The following TTLL5 variants were observed in gnomAD, a reference collection of about 807,000 sequenced individuals.
TTLL5 encodes tubulin tyrosine ligase like 5.
Under a neutral mutation model 168.4 loss-of-function variants are expected in TTLL5, and 132 were observed. The observed-to-expected ratio is 0.78, with a 90% CI of 0.68 to 0.91. The LOEUF is 0.91. TTLL5 is among the 40% of genes least tolerant of loss of function. The pLI, the probability that TTLL5 is intolerant of heterozygous loss-of-function variation, is 0.00. For missense variants in TTLL5, 1,545 were observed against 1,581.5 expected (o/e 0.98, Z 0.39); for synonymous variants, 546 against 558.6 (o/e 0.98, Z 0.32).
intron 28 of TTLL5, chr14:75,838,246 CAGATAGCTAA>C (rs940137132): frequency 6.6e-6 from 1 of 152,010 alleles, no homozygotes; most frequent in African/African-American, 2.4e-5. Context: ...AGTAAGAGGT[CAGATAGCTAA>C]AGATCTTGGA....
intron 23 of TTLL5, among the ~76,000 whole-genome samples, chr14:75,778,522 A>C (rs550604147): frequency 9.2e-5 from 14 of 152,326 alleles, no homozygotes; most frequent in African/African-American, 3.1e-4. Context: ...TGAGAGACTT[A>C]TCTTGTGGCA....
chr14:75,885,220 G>T (rs2032046820), intron 30 of TTLL5, among the ~76,000 whole-genome samples: 2 of 150,924 alleles, frequency 1.3e-5, no homozygotes, highest in Non-Finnish European at 2.9e-5. Context: ...GCCAGGTGCG[G>T]TGGCTCACGC....
At chr14:75,842,429 C>T (rs1038055295) in intron 28 of TTLL5, among the ~76,000 whole-genome samples, 2 of 152,070 alleles carry the variant, frequency 1.3e-5, no homozygotes, top group African/African-American at 2.4e-5. Context: ...AAGGGTTCTC[C>T]GTGGGCTCTT....
chr14:75,751,196 C>G (rs1308851042), intron 17 of TTLL5, among the ~76,000 whole-genome samples: 1 of 152,198 alleles, frequency 6.6e-6, no homozygotes, highest in Non-Finnish European at 1.5e-5. Context: ...GTGGCCATCA[C>G]TTTTGCAATC....
intron 30 of TTLL5, among the ~76,000 whole-genome samples, chr14:75,894,364 CA>C (rs1430412148): frequency 2.0e-5 from 3 of 152,028 alleles, no homozygotes; most frequent in Non-Finnish European, 4.4e-5. Flanking sequence ...CCAGCCTGGC[CA>C]ACATGGTGAA....
At chr14:75,870,619 A>G in intron 29 of TTLL5, among the ~76,000 whole-genome samples, 1 of 152,180 alleles carries the variant, frequency 6.6e-6, no homozygotes, top group Admixed American at 6.5e-5. Flanking sequence ...TATTAATAAT[A>G]CAGGAATGAT....
intron 29 of TTLL5, among the ~76,000 whole-genome samples, chr14:75,875,473 C>T (rs527264844): frequency 1.4e-3 from 212 of 150,528 alleles, no homozygotes; most frequent in Non-Finnish European, 2.0e-3. Flanking sequence ...TGCTTGGAGT[C>T]GGAGGTTGCA....
intron 9 of TTLL5, chr14:75,709,077 A>T (rs1886860620): frequency 6.0e-6 from 4 of 668,070 alleles, no homozygotes; most frequent in Non-Finnish European, 1.1e-5. Flanking sequence ...CTCAGGTTGG[A>T]CAAGCTTGTT....
chr14:75,681,346 T>G (rs1032783390), intron 3 of TTLL5, among the ~76,000 whole-genome samples, 199 bp from the exon 4 acceptor site: 23 of 152,314 alleles, frequency 1.5e-4, no homozygotes, highest in African/African-American at 5.1e-4. Flanking sequence ...AAGGTGTAAT[T>G]TTTCCCCCAT....
chr14:75,718,736 A>G (rs1176355555), intron 10 of TTLL5, among the ~76,000 whole-genome samples: 1 of 152,204 alleles, frequency 6.6e-6, no homozygotes, highest in Non-Finnish European at 1.5e-5. Flanking sequence ...AGTGGAAGGG[A>G]GTACTAGCCC....
chr14:75,864,657 A>G (rs904733099), intron 29 of TTLL5, among the ~76,000 whole-genome samples: 1 of 152,204 alleles, frequency 6.6e-6, no homozygotes, highest in Non-Finnish European at 1.5e-5. Context: ...GTGACTCAGG[A>G]TCATCATTAG....
intron 27 of TTLL5, among the ~76,000 whole-genome samples, chr14:75,808,585 C>G (rs1893790293): frequency 6.6e-6 from 1 of 152,278 alleles, no homozygotes; most frequent in East Asian, 1.9e-4. Context: ...TGGTGCAGAT[C>G]TGGCACTTTT....
At chr14:75,679,636 A>G (rs146728859) in intron 3 of TTLL5, among the ~76,000 whole-genome samples, 12 of 152,348 alleles carry the variant, frequency 7.9e-5, no homozygotes, top group African/African-American at 2.4e-4. Context: ...TTGCATTCAA[A>G]TTGTCTTAAA....
intron 31 of TTLL5, among the ~76,000 whole-genome samples, chr14:75,922,258 C>T (rs2033853931): frequency 6.6e-6 from 1 of 152,138 alleles, no homozygotes; most frequent in Non-Finnish European, 1.5e-5. Context: ...GCCAGAACTT[C>T]CAACACTATG....
intron 31 of TTLL5, among the ~76,000 whole-genome samples, chr14:75,922,697 T>G (rs971230447): frequency 6.6e-6 from 1 of 152,210 alleles, no homozygotes; most frequent in Non-Finnish European, 1.5e-5. Flanking sequence ...TCTCTTTTTT[T>G]GTTGTGTCTC....
chr14:75,948,080 A>G (rs2034834237), intron 31 of TTLL5, among the ~76,000 whole-genome samples: 2 of 152,224 alleles, frequency 1.3e-5, no homozygotes, highest in Admixed American at 6.5e-5. Flanking sequence ...ACTACGTAGT[A>G]GGCCTTAAAT....
At chr14:75,851,758 C>A (rs1469970125) in intron 28 of TTLL5, among the ~76,000 whole-genome samples, 1 of 152,076 alleles carries the variant, frequency 6.6e-6, no homozygotes, top group African/African-American at 2.4e-5. Context: ...TTTTTGGATC[C>A]AATAGTTTGG....
At chr14:75,877,120 A>G (rs1358387418) in intron 29 of TTLL5, among the ~76,000 whole-genome samples, 1 of 152,174 alleles carries the variant, frequency 6.6e-6, no homozygotes, top group Admixed American at 6.5e-5. Flanking sequence ...AGAGACATTA[A>G]CCTACTCAAA....
chr14:75,801,173 A>C (rs1393571375), intron 27 of TTLL5, among the ~76,000 whole-genome samples: 2 of 152,134 alleles, frequency 1.3e-5, no homozygotes, highest in African/African-American at 4.8e-5. Flanking sequence ...GCCCAAGCTC[A>C]GAGACTCTCC....
Sources: gnomAD v4.1 joint callset for allele counts (sites outside exome capture counted in the v4.1 genomes callset) on GRCh38, gnomAD v4.1.1 for gene constraint, MANE v1.5 for transcripts, NCBI Gene and HGNC (gene_info 2026-07-23, HGNC 2026-07-21) for gene names.